The following PIEZO2 variants were observed in gnomAD, a reference collection of about 807,000 sequenced individuals.
The protein encoded by PIEZO2 is piezo type mechanosensitive ion channel component 2, also known as piezo-type mechanosensitive ion channel component 2.
In PIEZO2, 172 loss-of-function variants were observed where a neutral mutation model predicts 337.3. The ratio of observed to expected loss-of-function variants is 0.51; its 90% CI spans 0.45 to 0.58. The LOEUF (loss-of-function observed/expected upper bound fraction) is 0.58, where lower values mean the gene tolerates loss of function less well. Among genes scored for constraint, PIEZO2 ranks in the 20% least tolerant of loss-of-function variants. The pLI is 0.00. For missense variants in PIEZO2, 3,028 were observed against 3,391.3 expected, an observed-to-expected ratio of 0.89 and a Z score of 2.66; for synonymous variants, 1,251 against 1,228.5, an observed-to-expected ratio of 1.02 and a Z score of -0.38.
Position 10,993,571 on chromosome 18 carries a change from G to A in PIEZO2, c.161-13911C>T. Among the ~76,000 whole-genome samples the A allele has an allele frequency of 6.6e-6, 1 of 152,126 alleles. No individual in the cohort carries two copies. Among genetic ancestry groups the A allele is most frequent in the Non-Finnish European group, 1.5e-5 (1 of 68,032 alleles). On this transcript the variant is annotated intron_variant, in intron 2 of 55. Transcript: ENST00000674853. The surrounding 1 kb of genome is among the most constrained non-coding windows in gnomAD (Gnocchi z 5.0). ...AGGCGGAGTCTCGCTCTGTGGCCCAGGCTGGAGTACAGTGGCACGATCTCG... is the reference window on the plus strand; with the variant it reads ...AGGCGGAGTCTCGCTCTGTGGCCCAAGCTGGAGTACAGTGGCACGATCTCG...
intron 44 of PIEZO2, 39 bp downstream of exon 44, chr18:10,698,886 G>T: frequency 6.5e-7 from 1 of 1,532,428 alleles, no homozygotes; most frequent in South Asian, 1.2e-5. Flanking sequence ...GGCCACCTGG[G>T]AGCTAACTAC....
chr18:11,030,410 G>A (rs1483004611), intron 2 of PIEZO2, among the ~76,000 whole-genome samples: 1 of 151,960 alleles, frequency 6.6e-6, no homozygotes, highest in African/African-American at 2.4e-5. Flanking sequence ...TTAGTTATCT[G>A]TAAGGGTCCC....
At chr18:11,000,494 G>C (rs2035490875) in intron 2 of PIEZO2, among the ~76,000 whole-genome samples, 1 of 152,146 alleles carries the variant, frequency 6.6e-6, no homozygotes, top group Admixed American at 6.5e-5. Context: ...AGAGTATAGG[G>C]GAAGGATAGT....
At position 11,003,362 on chromosome 18, in the gene PIEZO2, T is replaced by C. The variant is rs1300834840; in HGVS notation, c.161-23702A>G. Reference sequence around the variant, plus strand: ...GAAACTGCGGCTTTAAGCAAAACGATGTATAGCAAAAACAATTAAACCATA... The same window carrying C: ...GAAACTGCGGCTTTAAGCAAAACGACGTATAGCAAAAACAATTAAACCATA... On this transcript the variant is annotated intron_variant, in intron 2 of 55. Transcript: ENST00000674853. The surrounding 1 kb of genome is among the most constrained non-coding windows in gnomAD (Gnocchi z 4.6). Among the ~76,000 whole-genome samples, 1 of 152,162 alleles carries C rather than the reference T, an allele frequency of 6.6e-6. No homozygotes were observed. The highest frequency in any genetic ancestry group is 1.9e-4 in the East Asian group (1 of 5,202).
chr18:11,030,512 G>C (rs1034879151), intron 2 of PIEZO2, among the ~76,000 whole-genome samples: 10 of 152,142 alleles, frequency 6.6e-5, no homozygotes, highest in Non-Finnish European at 1.5e-4. Context: ...CCTTGTAGTG[G>C]TTACGGGAAG....
rs1568174455 is a variant in PIEZO2 at position 10,895,190 on chromosome 18, A to G, written c.329+15996T>C. Among the ~76,000 whole-genome samples, 1 of 152,202 alleles carries G rather than the reference A, an allele frequency of 6.6e-6. No individual in the cohort carries two copies. The highest frequency in any genetic ancestry group is 1.5e-5 in the Non-Finnish European group (1 of 68,022). ...GCCGAGCATGGTGGCTCATGCCTGT[A>G]ATCCCAGCATTTTGGGAGGCCAAGG... On this transcript the variant is annotated intron_variant, in intron 4 of 55. Transcript: ENST00000674853. This position sits in a 1 kb window ranked among gnomAD's most constrained non-coding sequence, Gnocchi z 4.8.
chr18:10,762,139 T>C, intron 23 of PIEZO2, among the ~76,000 whole-genome samples: 1 of 152,234 alleles, frequency 6.6e-6, no homozygotes. Flanking sequence ...CTAGAAGAGA[T>C]CATACTATGC....
intron 36 of PIEZO2, among the ~76,000 whole-genome samples, chr18:10,720,321 A>G (rs2036217948): frequency 7.2e-6 from 1 of 137,988 alleles, no homozygotes; most frequent in Non-Finnish European, 1.5e-5. Context: ...GTATATATAT[A>G]TATATAATAT....
At chr18:10,689,408 C>A (rs2034698123) in intron 49 of PIEZO2, among the ~76,000 whole-genome samples, 1 of 152,140 alleles carries the variant, frequency 6.6e-6, no homozygotes, top group Non-Finnish European at 1.5e-5. Flanking sequence ...AAGCAATATA[C>A]CGTTTTTTAA....
chr18:10,966,868 A>G (rs540286816), intron 3 of PIEZO2, among the ~76,000 whole-genome samples: 18 of 152,226 alleles, frequency 1.2e-4, no homozygotes, highest in African/African-American at 4.1e-4. Context: ...AGAACATACA[A>G]TGTTTGGTTT....
intron 2 of PIEZO2, among the ~76,000 whole-genome samples, chr18:11,046,332 G>A (rs1312730865): frequency 6.6e-6 from 1 of 152,200 alleles, no homozygotes; most frequent in African/African-American, 2.4e-5. Context: ...TCACTCCTAT[G>A]GGACAAGTGT....
intron 1 of PIEZO2, among the ~76,000 whole-genome samples, chr18:11,144,247 T>C (rs1227198288): frequency 6.6e-6 from 1 of 152,248 alleles, no homozygotes; most frequent in Non-Finnish European, 1.5e-5. Flanking sequence ...GGATGAAATA[T>C]TTTATTTTAG....
Position 11,110,848 on chromosome 18 carries a change from G to A in PIEZO2, c.64+37677C>T, listed in dbSNP as rs1472479877. Among the ~76,000 whole-genome samples, 1 of 152,170 alleles carries A rather than the reference G, an allele frequency of 6.6e-6. No homozygotes were observed. On this transcript the variant is annotated intron_variant, in intron 1 of 55. Coordinates refer to ENST00000674853, the MANE Select transcript of PIEZO2 (RefSeq NM_001378183.1). This position sits in a 1 kb window ranked among gnomAD's most constrained non-coding sequence, Gnocchi z 4.2. The stretch of plus-strand genomic sequence containing the variant: ...TAAACTTGAAGTATAGGATCAGGCT[G>A]GATTGTCTGTGGTCCACTGGGTCAC...
chr18:10,951,156 A>AT (rs1328725797), intron 3 of PIEZO2, among the ~76,000 whole-genome samples: 6 of 152,166 alleles, frequency 3.9e-5, no homozygotes, highest in Non-Finnish European at 8.8e-5. Context: ...TCTATGACTA[A>AT]TTTTACCCAC....
chr18:11,091,433 T>A (rs73400546), intron 1 of PIEZO2, among the ~76,000 whole-genome samples: 19,078 of 148,290 alleles, frequency 0.13, 1,405 homozygotes, highest in Non-Finnish European at 0.16. Context: ...AGAAAAGAAA[T>A]ATTTTCTACT....
At chr18:10,970,455 T>C (rs981696820) in intron 3 of PIEZO2, among the ~76,000 whole-genome samples, 1 of 152,230 alleles carries the variant, frequency 6.6e-6, no homozygotes, top group African/African-American at 2.4e-5. Context: ...CTGGATGCTA[T>C]CACTACATTT....
intron 12 of PIEZO2, 45 bp downstream of exon 12, chr18:10,797,326 TATC>T (rs1335573760): frequency 2.2e-6 from 3 of 1,334,040 alleles, no homozygotes; most frequent in Non-Finnish European, 3.1e-6. Context: ...CATACCATCA[TATC>T]ATATTATACA....
chr18:10,719,006 TAAA>T lies in PIEZO2; in HGVS notation c.5030-750_5030-748del, dbSNP rs1238202006. On this transcript the variant is annotated intron_variant, in intron 36 of 55. Transcript: ENST00000674853. ...ATAAATAAATAAATAAATAAATAAA[TAAA>T]TAAATAAATAAATAAATTTGCTATG... Among the ~76,000 whole-genome samples the T allele has an allele frequency of 7.2e-3, 1,082 of 150,918 alleles. 17 individuals carry two copies. The highest frequency in any genetic ancestry group is 0.025 in the African/African-American group (1,041 of 41,178).
In PIEZO2 at chr18:10,815,256, T is replaced by G. The variant is rs1299376293; in HGVS notation, c.918-7982A>C. Among the ~76,000 whole-genome samples the G allele has an allele frequency of 1.3e-5, 2 of 152,188 alleles. No homozygotes were observed. Among genetic ancestry groups the G allele is most frequent in the African/African-American group, 2.4e-5 (1 of 41,442 alleles). ...CCTTTTAAATGAAATTGCCTTAGCA[T>G]GAACTCAGGATAAACTTAAAATCAG... On this transcript the variant is annotated intron_variant, in intron 7 of 55. Transcript: ENST00000674853. This position sits in a 1 kb window ranked among gnomAD's most constrained non-coding sequence, Gnocchi z 4.1.
Sources: gnomAD v4.1 joint callset for allele counts (sites outside exome capture counted in the v4.1 genomes callset) on GRCh38, gnomAD v4.1.1 for gene constraint, Gnocchi (gnomAD v3.1) non-coding constraint, MANE v1.5 for transcripts, NCBI Gene and HGNC (gene_info 2026-07-23, HGNC 2026-07-21) for gene names.